The following GBP7 variants were observed in gnomAD, a reference collection of about 807,000 sequenced individuals.
The protein encoded by GBP7 is guanylate-binding protein 7.
Under a neutral mutation model 61.3 loss-of-function variants are expected in GBP7, and 43 were observed. The ratio of observed to expected loss-of-function variants is 0.70; its 90% CI spans 0.55 to 0.91. The LOEUF (loss-of-function observed/expected upper bound fraction) is 0.91. GBP7 is among the 40% of genes least tolerant of loss of function. The probability of loss-of-function intolerance (pLI) is 0.00; values close to 1 mark genes in which losing one functional copy is unlikely to be tolerated. For synonymous variants in GBP7, 267 were observed against 271.0 expected (o/e 0.99, Z 0.14); for missense variants, 717 against 740.5 (o/e 0.97, Z 0.37).
At chr1:89,153,349 C>T (rs1682246722) in intron 3 of GBP7, among the ~76,000 whole-genome samples, 1 of 152,076 alleles carries the variant, frequency 6.6e-6, no homozygotes. Context: ...TAAAGTCAAG[C>T]TGTATTTTTG....
chr1:89,149,709 C>T (rs1006738143), intron 6 of GBP7, 137 bp from the exon 7 acceptor site: 1 of 629,154 alleles, frequency 1.6e-6, no homozygotes, highest in East Asian at 2.8e-5. Flanking sequence ...TCTTTCAATT[C>T]TACTATTACT....
chr1:89,155,321 G>T (rs1044979471), intron 3 of GBP7, among the ~76,000 whole-genome samples: 1 of 152,266 alleles, frequency 6.6e-6, no homozygotes, highest in South Asian at 2.1e-4. Flanking sequence ...GCAGCTCCTC[G>T]CCAGCAATGG....
chr1:89,144,575 A>G (rs1217141524), intron 8 of GBP7, among the ~76,000 whole-genome samples: 3 of 152,126 alleles, frequency 2.0e-5, no homozygotes, highest in Non-Finnish European at 4.4e-5. Flanking sequence ...AATATAGGCT[A>G]ATTTCTAATT....
At chr1:89,136,681 A>G (rs2100635588) in intron 9 of GBP7, among the ~76,000 whole-genome samples, 1 of 152,312 alleles carries the variant, frequency 6.6e-6, no homozygotes, top group South Asian at 2.1e-4. Context: ...TGTTAATAGC[A>G]CTAAACGACT....
chr1:89,168,706 G>T (rs575708101), intron 2 of GBP7, among the ~76,000 whole-genome samples: 1 of 152,106 alleles, frequency 6.6e-6, no homozygotes, highest in South Asian at 2.1e-4. Context: ...AGGCCAAGGC[G>T]GGTGGATCAC....
intron 7 of GBP7, among the ~76,000 whole-genome samples, chr1:89,148,488 G>C (rs1682117295): frequency 6.6e-6 from 1 of 152,226 alleles, no homozygotes; most frequent in Non-Finnish European, 1.5e-5. Context: ...TTTAGAAATG[G>C]AGAGTATTCA....
intron 7 of GBP7, 66 bp downstream of exon 7, chr1:89,149,226 A>G (rs558900811): frequency 2.2e-6 from 3 of 1,370,274 alleles, no homozygotes; most frequent in East Asian, 4.7e-5. Flanking sequence ...TGGCATTAAA[A>G]AGGTGGACTA....
At chr1:89,137,556 A>G (rs1380264363) in intron 9 of GBP7, among the ~76,000 whole-genome samples, 1 of 152,004 alleles carries the variant, frequency 6.6e-6, no homozygotes, top group Non-Finnish European at 1.5e-5. Flanking sequence ...CAAAAACCAG[A>G]TGATCTTCTC....
At chr1:89,164,698 G>C in intron 3 of GBP7, 33 bp downstream of exon 3, 1 of 1,604,838 alleles carries the variant, frequency 6.2e-7, no homozygotes, top group Non-Finnish European at 8.5e-7. Context: ...GAGAATCAAA[G>C]GTAAAGAAGA....
chr1:89,162,901 T>C (rs1477134867), intron 3 of GBP7, among the ~76,000 whole-genome samples: 1 of 152,204 alleles, frequency 6.6e-6, no homozygotes, highest in Non-Finnish European at 1.5e-5. Context: ...AGTGGGTTTG[T>C]CATATATGGC....
chr1:89,151,648 A>G (rs959720638), intron 5 of GBP7, among the ~76,000 whole-genome samples: 1 of 152,210 alleles, frequency 6.6e-6, no homozygotes, highest in Non-Finnish European at 1.5e-5. Flanking sequence ...ATAGATTGAC[A>G]ACATATTATA....
intron 1 of GBP7, among the ~76,000 whole-genome samples, chr1:89,172,524 G>C (rs1647632958): frequency 6.6e-6 from 1 of 152,058 alleles, no homozygotes; most frequent in Non-Finnish European, 1.5e-5. Flanking sequence ...TTGAAGTTAT[G>C]CATTTTTTTT....
intron 3 of GBP7, among the ~76,000 whole-genome samples, chr1:89,155,495 C>T (rs1682298696): frequency 6.6e-6 from 1 of 152,102 alleles, no homozygotes; most frequent in African/African-American, 2.4e-5. Flanking sequence ...GAATAAACAG[C>T]ATAGAGAAGA....
chr1:89,155,796 C>T (rs1682304364), intron 3 of GBP7, among the ~76,000 whole-genome samples: 2 of 152,232 alleles, frequency 1.3e-5, no homozygotes, highest in Non-Finnish European at 2.9e-5. Context: ...GGATATTATC[C>T]AGGAGAACTT....
At chr1:89,134,704 C>T (rs7539404) in intron 9 of GBP7, among the ~76,000 whole-genome samples, 31,769 of 151,554 alleles carry the variant, frequency 0.21, 3,559 homozygotes, top group East Asian at 0.38. Flanking sequence ...ATGAAAGAAA[C>T]AGACACTTCA....
chr1:89,153,240 C>G (rs1319416637), intron 3 of GBP7, among the ~76,000 whole-genome samples: 3 of 152,178 alleles, frequency 2.0e-5, no homozygotes, highest in Non-Finnish European at 4.4e-5. Flanking sequence ...TTGATTCATT[C>G]ACTTATTAAT....
intron 7 of GBP7, among the ~76,000 whole-genome samples, chr1:89,148,339 A>G (rs1039047402): frequency 6.6e-6 from 1 of 152,372 alleles, no homozygotes; most frequent in African/African-American, 2.4e-5. Context: ...AGGCTATTCA[A>G]TAACAGTGCC....
intron 8 of GBP7, 60 bp downstream of exon 8, chr1:89,147,507 G>T: frequency 7.6e-7 from 1 of 1,310,336 alleles, no homozygotes; most frequent in Non-Finnish European, 1.1e-6. Context: ...TTTCAGAAGA[G>T]GCAACGAAGA....
chr1:89,132,904 A>C (rs1681712253), intron 10 of GBP7, among the ~76,000 whole-genome samples: 1 of 152,226 alleles, frequency 6.6e-6, no homozygotes, highest in African/African-American at 2.4e-5. Flanking sequence ...TGATACTTTC[A>C]TCCAGATGGA....
Sources: gnomAD v4.1 joint callset for allele counts (sites outside exome capture counted in the v4.1 genomes callset) on GRCh38, gnomAD v4.1.1 for gene constraint, MANE v1.5 for transcripts, NCBI Gene and HGNC (gene_info 2026-07-23, HGNC 2026-07-21) for gene names.